CSNK1G3: variants seen among roughly 807,000 people sequenced by gnomAD.
CSNK1G3 encodes casein kinase 1 gamma 3, also known as casein kinase I isoform gamma-3.
Under a neutral mutation model 64.3 loss-of-function variants are expected in CSNK1G3, and 23 were observed. That is an observed-to-expected ratio of 0.36 (90% CI 0.26 to 0.51). The LOEUF (loss-of-function observed/expected upper bound fraction) is 0.51, where lower values mean the gene tolerates loss of function less well. CSNK1G3 is among the 20% of genes least tolerant of loss of function. The pLI is 0.96. For missense variants in CSNK1G3, 357 were observed against 510.5 expected, an observed-to-expected ratio of 0.70 and a Z score of 2.90; for synonymous variants, 158 against 162.2, an observed-to-expected ratio of 0.97 and a Z score of 0.20.
At chr5:123,585,628 A>T (rs552196922) in intron 6 of CSNK1G3, among the ~76,000 whole-genome samples, 3 of 152,346 alleles carry the variant, frequency 2.0e-5, no homozygotes, top group South Asian at 4.1e-4. Flanking sequence ...TTTTAGTAAG[A>T]CAATCCAATT....
chr5:123,553,374 C>G (rs1394651259), intron 3 of CSNK1G3, among the ~76,000 whole-genome samples: 3 of 152,100 alleles, frequency 2.0e-5, no homozygotes, highest in South Asian at 2.1e-4. Flanking sequence ...AAACTCAATC[C>G]CTTTACTTTG....
At chr5:123,595,392 A>G (rs1184970775) in intron 10 of CSNK1G3, among the ~76,000 whole-genome samples, 1 of 152,204 alleles carries the variant, frequency 6.6e-6, no homozygotes, top group Non-Finnish European at 1.5e-5. Flanking sequence ...ATAGCAGATT[A>G]GAAAAACAAA....
intron 10 of CSNK1G3, among the ~76,000 whole-genome samples, chr5:123,601,649 C>G: frequency 6.6e-6 from 1 of 152,108 alleles, no homozygotes; most frequent in East Asian, 1.9e-4. Context: ...GTCACTGTTG[C>G]TAGAAAATAT....
intron 1 of CSNK1G3, among the ~76,000 whole-genome samples, chr5:123,530,239 C>T (rs542990609): frequency 3.5e-4 from 53 of 151,970 alleles, no homozygotes; most frequent in Non-Finnish European, 5.0e-4. Flanking sequence ...ACCTATGAAA[C>T]GGTCGTATTG....
At chr5:123,539,689 C>T (rs1466593127) in intron 1 of CSNK1G3, among the ~76,000 whole-genome samples, 3 of 152,130 alleles carry the variant, frequency 2.0e-5, no homozygotes, top group Non-Finnish European at 2.9e-5. Context: ...TTGTGCTGAT[C>T]TCACAAAGTA....
At chr5:123,577,415 A>T (rs1789389536) in intron 6 of CSNK1G3, among the ~76,000 whole-genome samples, 1 of 151,968 alleles carries the variant, frequency 6.6e-6, no homozygotes, top group African/African-American at 2.4e-5. Context: ...GTATGTATAC[A>T]CACACACAGA....
intron 10 of CSNK1G3, among the ~76,000 whole-genome samples, chr5:123,599,093 C>G (rs896526070): frequency 2.1e-4 from 32 of 152,140 alleles, no homozygotes; most frequent in African/African-American, 7.7e-4. Flanking sequence ...TCCATTTTAG[C>G]TATGCTTTTC....
intron 4 of CSNK1G3, among the ~76,000 whole-genome samples, chr5:123,568,479 G>GT (rs1561538018): frequency 6.6e-6 from 1 of 152,252 alleles, no homozygotes; most frequent in African/African-American, 2.4e-5. Context: ...TCAAAATGAT[G>GT]TTTTTTTAAA....
chr5:123,555,885 T>A (rs1433056283), intron 3 of CSNK1G3, among the ~76,000 whole-genome samples: 2 of 152,160 alleles, frequency 1.3e-5, no homozygotes, highest in African/African-American at 4.8e-5. Flanking sequence ...CTTAAGGTTA[T>A]GTACTTCTAG....
At chr5:123,612,844 A>G (rs1748652926) in intron 12 of CSNK1G3, among the ~76,000 whole-genome samples, 1 of 152,140 alleles carries the variant, frequency 6.6e-6, no homozygotes, top group African/African-American at 2.4e-5. Context: ...CATATTATAC[A>G]CAGTCTGAAT....
intron 1 of CSNK1G3, among the ~76,000 whole-genome samples, chr5:123,520,764 AGTTT>A (rs1040081968): frequency 9.2e-5 from 14 of 151,878 alleles, no homozygotes; most frequent in Non-Finnish European, 1.6e-4. Context: ...TTATTTTTTT[AGTTT>A]GTTTGGTTTG....
In CSNK1G3 at chr5:123,571,475, T is replaced by C. The variant is rs187780073; in HGVS notation, c.290-1918T>C. Among the ~76,000 whole-genome samples the C allele has an allele frequency of 4.6e-3, 702 of 152,164 alleles. 9 individuals are homozygous for C. The highest frequency in any genetic ancestry group is 0.016 in the African/African-American group (661 of 41,508). Reference sequence around the variant, plus strand: ...ACCTGCAGATGTTCTGCTGCCTCACTCATATTCATATCTGAGAAATACTTG... The same window carrying C: ...ACCTGCAGATGTTCTGCTGCCTCACCCATATTCATATCTGAGAAATACTTG... On this transcript the variant is annotated intron_variant, in intron 4 of 12. Transcript: ENST00000345990.
At chr5:123,535,133 C>G (rs977906131) in intron 1 of CSNK1G3, among the ~76,000 whole-genome samples, 1 of 152,150 alleles carries the variant, frequency 6.6e-6, no homozygotes, top group African/African-American at 2.4e-5. Flanking sequence ...CTATGATTCT[C>G]TGAGCAGCAG....
intron 2 of CSNK1G3, among the ~76,000 whole-genome samples, chr5:123,547,086 A>G (rs958474265): frequency 6.6e-6 from 1 of 152,146 alleles, no homozygotes; most frequent in East Asian, 1.9e-4. Flanking sequence ...TATAATTCTC[A>G]CCAACATCCA....
At chr5:123,613,555 G>T (rs1211861443) in intron 12 of CSNK1G3, among the ~76,000 whole-genome samples, 1 of 151,440 alleles carries the variant, frequency 6.6e-6, no homozygotes. Context: ...TTAGAGATGG[G>T]GTCTTGCTGT....
chr5:123,598,590 G>A (rs1040019052), intron 10 of CSNK1G3, among the ~76,000 whole-genome samples: 2 of 152,086 alleles, frequency 1.3e-5, no homozygotes, highest in African/African-American at 4.8e-5. Context: ...AGGCAGAGAA[G>A]ACAATATGAA....
At chr5:123,590,253 T>A (rs929924656) in intron 8 of CSNK1G3, among the ~76,000 whole-genome samples, 157 bp from the exon 9 acceptor site, 9 of 152,084 alleles carry the variant, frequency 5.9e-5, no homozygotes, top group Non-Finnish European at 5.9e-5. Flanking sequence ...TCCTCTTTTT[T>A]ATTTTGTTGT....
intron 12 of CSNK1G3, among the ~76,000 whole-genome samples, chr5:123,606,435 A>T (rs962287305): frequency 6.6e-6 from 1 of 152,144 alleles, no homozygotes; most frequent in East Asian, 1.9e-4. Flanking sequence ...TGTCCTTTGC[A>T]GTTAGACATA....
intron 4 of CSNK1G3, among the ~76,000 whole-genome samples, chr5:123,571,826 T>C (rs767595097): frequency 6.6e-6 from 1 of 152,240 alleles, no homozygotes; most frequent in Non-Finnish European, 1.5e-5. Flanking sequence ...GTTCATTTTT[T>C]CATGCTAATA....
Sources: gnomAD v4.1 joint callset for allele counts (sites outside exome capture counted in the v4.1 genomes callset) on GRCh38, gnomAD v4.1.1 for gene constraint, MANE v1.5 for transcripts, NCBI Gene and HGNC (gene_info 2026-07-23, HGNC 2026-07-21) for gene names.